The following LCN1 variants were observed in gnomAD, a reference collection of about 807,000 sequenced individuals.
The protein encoded by LCN1 is lipocalin 1.
In LCN1, 25 loss-of-function variants were observed where a neutral mutation model predicts 22.3. The ratio of observed to expected loss-of-function variants is 1.12; its 90% CI spans 0.82 to 1.56. LCN1 has a LOEUF of 1.56. Among genes scored for constraint, LCN1 ranks in the 40% most tolerant of loss-of-function variants. LCN1 has a pLI of 0.00. For synonymous variants in LCN1, 85 were observed against 97.6 expected (o/e 0.87, Z 0.76); for missense variants, 219 against 235.6 (o/e 0.93, Z 0.46).
At chr9:135,522,628 T>C (rs1020594123) in intron 2 of LCN1, among the ~76,000 whole-genome samples, 3 of 152,200 alleles carry the variant, frequency 2.0e-5, no homozygotes, top group African/African-American at 7.2e-5. Context: ...CGCTCACCTG[T>C]GCGGCTCTCA....
intron 4 of LCN1, among the ~76,000 whole-genome samples, chr9:135,524,318 G>A (rs1831574900): frequency 6.6e-6 from 1 of 152,180 alleles, no homozygotes; most frequent in Admixed American, 6.5e-5. Context: ...CGTTCCTGTG[G>A]GGTGTCCAGC....
intron 4 of LCN1, 68 bp downstream of exon 4, chr9:135,524,058 C>T (rs1831568538): frequency 3.4e-6 from 4 of 1,184,528 alleles, no homozygotes; most frequent in Non-Finnish European, 5.0e-6. Flanking sequence ...CGGCCTCCTG[C>T]ACCCTCTTCC....
At chr9:135,525,239 C>A in intron 6 of LCN1, 81 bp downstream of exon 6, 1 of 1,337,638 alleles carries the variant, frequency 7.5e-7, no homozygotes, top group Non-Finnish European at 1.0e-6. Context: ...TGGGGTCTCT[C>A]CCACCCATCC....
At chr9:135,525,247 T>A in intron 6 of LCN1, 89 bp downstream of exon 6, 2 of 1,323,700 alleles carry the variant, frequency 1.5e-6, no homozygotes, top group South Asian at 1.3e-5. Flanking sequence ...CTCCCACCCA[T>A]CCCACTCCTA....
chr9:135,523,142 C>A (rs1831540785), intron 2 of LCN1, 90 bp from the exon 3 acceptor site: 6 of 1,213,598 alleles, frequency 4.9e-6, no homozygotes, highest in Middle Eastern at 2.9e-4. Flanking sequence ...AGACTCGGGG[C>A]CACATTTGCA....
intron 3 of LCN1, among the ~76,000 whole-genome samples, chr9:135,523,678 T>G (rs990039770): frequency 2.6e-5 from 4 of 152,114 alleles, no homozygotes; most frequent in African/African-American, 9.7e-5. Context: ...TGGCCGCCTC[T>G]TGGGTACATC....
chr9:135,521,795 G>A (rs1831502034), intron 1 of LCN1, among the ~76,000 whole-genome samples: 2 of 152,144 alleles, frequency 1.3e-5, no homozygotes, highest in Admixed American at 1.3e-4. Context: ...AGGGCTGGGA[G>A]GGTGGGGGTC....
chr9:135,526,222 T>C, intron 6 of LCN1, 122 bp from the exon 7 acceptor site: 1 of 123,836 alleles, frequency 8.1e-6, no homozygotes, highest in South Asian at 1.3e-4. Flanking sequence ...CCCCACACCA[T>C]GCCCCTGAGA....
chr9:135,523,186 G>T (rs1214641951), intron 2 of LCN1, 46 bp from the exon 3 acceptor site: 26 of 1,571,252 alleles, frequency 1.7e-5, no homozygotes, highest in Non-Finnish European at 2.1e-5. Context: ...AGGGCCGGGG[G>T]AGGCACAGGC....
Position 135,524,999 on chromosome 9 carries a change from C to T in LCN1, c.505+68C>T, listed in dbSNP as rs796782661. The T allele has an allele frequency of 8.5e-5, 132 of 1,551,690 alleles. No homozygotes were observed. The African/African-American group carries it at 9.7e-4, about 11-fold the overall frequency. ...GGGACATCAGCAGAGCTGCATTGCA[C>T]GGGCGCATAACTGTGCTGCGTCTAA... On this transcript the variant is annotated intron_variant, in intron 5 of 6. Coordinates refer to ENST00000371781, the MANE Select transcript of LCN1 (RefSeq NM_002297.4).
rs1418986875 is a variant in LCN1 at position 135,526,432 on chromosome 9, C to A, written c.*90C>A. On this transcript the variant is annotated 3_prime_UTR_variant, in exon 7 of 7. Transcript: ENST00000371781. Reference sequence around the variant, plus strand: ...ACAGGGACATGGAAAAAGCTCCCCACCCCTGCAGAACGCGGCTGGCTGCAC... The same window carrying A: ...ACAGGGACATGGAAAAAGCTCCCCAACCCTGCAGAACGCGGCTGGCTGCAC... The A allele has an allele frequency of 1.0e-5, 13 of 1,286,562 alleles. No individual in the cohort carries two copies. In the East Asian group the frequency reaches 6.8e-4, roughly 67 times the overall value. 79.7% of individuals were successfully genotyped at this position (1,286,562 alleles called of 1,614,324 possible). A position where few individuals can be genotyped will look rare whatever the true frequency, so the allele number is the denominator to read the frequency against.
intron 2 of LCN1, among the ~76,000 whole-genome samples, chr9:135,522,398 TG>T (rs1831523348): frequency 6.6e-6 from 1 of 152,340 alleles, no homozygotes; most frequent in Admixed American, 6.5e-5. Flanking sequence ...GGGCTACCAG[TG>T]GCAGCCCTGG....
At chr9:135,526,182 A>G (rs1831645113) in intron 6 of LCN1, among the ~76,000 whole-genome samples, 162 bp from the exon 7 acceptor site, 1 of 84,412 alleles carries the variant, frequency 1.2e-5, no homozygotes, top group African/African-American at 4.8e-5. Context: ...TGCCCTCCAC[A>G]TCACAGCCCC....
intron 4 of LCN1, among the ~76,000 whole-genome samples, chr9:135,524,358 G>T (rs1279551665): frequency 2.6e-5 from 4 of 152,200 alleles, no homozygotes; most frequent in Non-Finnish European, 5.9e-5. Flanking sequence ...GTGAGCAGAA[G>T]TCTGCATGGA....
chr9:135,523,228 C>T lies in LCN1; in HGVS notation c.222-4C>T. 1 of 1,611,342 alleles carries T rather than the reference C, an allele frequency of 6.2e-7. No individual in the cohort carries two copies. Reference sequence around the variant, plus strand: ...CGCTTTGCCAGGGGGCTTCTGTTTTCCAGGATAAGTGGCCGGTGCCAGGAG... The same window carrying T: ...CGCTTTGCCAGGGGGCTTCTGTTTTTCAGGATAAGTGGCCGGTGCCAGGAG... On this transcript the variant is annotated splice_polypyrimidine_tract_variant and splice_region_variant and intron_variant, in intron 2 of 6. Coordinates refer to ENST00000371781, the MANE Select transcript of LCN1 (RefSeq NM_002297.4).
At chr9:135,521,959 G>A in intron 1 of LCN1, 88 bp from the exon 2 acceptor site, 3 of 1,534,586 alleles carry the variant, frequency 2.0e-6, no homozygotes, top group Non-Finnish European at 2.6e-6. Flanking sequence ...AGCCCTCGGG[G>A]TGCGGTAGAG....
intron 6 of LCN1, among the ~76,000 whole-genome samples, chr9:135,525,783 T>C (rs1010290827): frequency 4.6e-5 from 7 of 151,730 alleles, no homozygotes; most frequent in African/African-American, 1.7e-4. Flanking sequence ...TCCGCTCCAA[T>C]CTAGAGGCTG....
At chr9:135,525,318 A>G (rs1831606830) in intron 6 of LCN1, among the ~76,000 whole-genome samples, 160 bp downstream of exon 6, 1 of 152,086 alleles carries the variant, frequency 6.6e-6, no homozygotes, top group Non-Finnish European at 1.5e-5. Flanking sequence ...TGAGCTGCCC[A>G]CGCTCGGGCG....
At chr9:135,523,381 T>C in intron 3 of LCN1, 79 bp downstream of exon 3, 2 of 1,351,986 alleles carry the variant, frequency 1.5e-6, no homozygotes, top group Non-Finnish European at 2.0e-6. Flanking sequence ...CTTTTTGGGG[T>C]GGCCTTTTGG....
Sources: allele counts gnomAD v4.1 joint callset (sites outside exome capture counted in the v4.1 genomes callset), GRCh38; gene constraint gnomAD v4.1.1; transcripts MANE v1.5; gene names NCBI Gene and HGNC (gene_info 2026-07-23, HGNC 2026-07-21).